Variants in LONP1 observed in about 807,000 individuals in gnomAD.
LONP1 encodes lon protease homolog, mitochondrial.
LONP1 carries 31 observed loss-of-function variants against 98.5 expected under a neutral mutation model. The observed-to-expected ratio is 0.31, with a 90% CI of 0.24 to 0.42. The LOEUF (loss-of-function observed/expected upper bound fraction) is 0.42. LONP1 is among the 20% of genes least tolerant of loss of function. The pLI is 1.00. For missense variants in LONP1, 1,336 were observed against 1,350.6 expected, an observed-to-expected ratio of 0.99 and a Z score of 0.17; for synonymous variants, 781 against 594.7, an observed-to-expected ratio of 1.31 and a Z score of -4.56.
rs1216107912 is a variant in LONP1, at chr19:5,720,102, A to G, written c.31T>C (p.Trp11Arg). 4 of 1,452,378 alleles carry G rather than the reference A, an allele frequency of 2.8e-6. No individual in the cohort carries two copies. 90.0% of individuals were successfully genotyped at this position (1,452,378 alleles called of 1,614,324 possible). A position where few individuals can be genotyped will look rare whatever the true frequency, so the allele number is the denominator to read the frequency against. The stretch of plus-strand genomic sequence containing the variant: ...AGCACCCAGCACCGCGCCGCTCCCC[A>G]CAGTCGCACGTAGCCAGTGCTCGCC... Reference protein sequence around the residue: MAASTGYVRLWGAARCWVLRR... With the variant: MAASTGYVRLRGAARCWVLRR... The change falls in exon 1 of 18, where the codon TGG becomes CGG. Residue 11 changes from tryptophan to arginine, a missense_variant. Around this residue, in one of 5 missense-constraint regions of LONP1, gnomAD observed 457 missense variants for 403.1 expected, o/e 1.13. Transcript: ENST00000360614.
rs4073993 is a variant in LONP1 at position 5,696,234 on chromosome 19, A to G, written c.1896+15T>C. ...ACCCTCCCCAGCAAGCCCAGGCCCC[A>G]GACAGGCCCCCCACCTTGGACAAGT... On this transcript the variant is annotated intron_variant, in intron 12 of 17. Coordinates refer to ENST00000360614, the MANE Select transcript of LONP1 (RefSeq NM_004793.4). 0.66 allele frequency: 1,060,288 copies of G among 1,612,500 alleles called. 356,278 individuals carry two copies. The highest frequency in any genetic ancestry group is 0.7 in the Non-Finnish European group (820,044 of 1,179,540).
intron 10 of LONP1, among the ~76,000 whole-genome samples, chr19:5,697,182 G>T (rs1461129244): frequency 6.6e-6 from 1 of 152,134 alleles, no homozygotes; most frequent in Non-Finnish European, 1.5e-5. Flanking sequence ...CAGCACAGGG[G>T]CCCGGCCCGC....
In LONP1 at chr19:5,714,211, C is replaced by T; in HGVS notation, c.490G>A (p.Val164Ile). The change falls in exon 2 of 18, where the codon GTC becomes ATC. Residue 164 changes from valine (V) to isoleucine (I), a missense_variant. By Grantham distance (29) the Val-to-Ile change is conservative (BLOSUM62 3). Coordinates refer to ENST00000360614, the MANE Select transcript of LONP1 (RefSeq NM_004793.4). ...RRKVRLAQPY[V>I]GVFLKRDDSN... is the part of the protein sequence containing the mutation. ...TCATCTCTCTTTAGAAAGACGCCGA[C>T]ATAAGGCTGGGCGAGACGAACTTTC... is the stretch of plus-strand genomic sequence containing the variant. 6.2e-7 allele frequency: 1 copy of T among 1,613,874 alleles called. No individual in the cohort carries two copies. The highest frequency in any genetic ancestry group is 8.5e-7 in the Non-Finnish European group (1 of 1,179,922).
chr19:5,700,863 G>A lies in LONP1; in HGVS notation c.1432C>T (p.Leu478=), dbSNP rs758358203. ...ACTGCCTGTGCCCGCGCCAGGTCCA[G>A]GTTCTCGTTGCTGTACTTGCCCCAA... ...IPWGKYSNEN[L]DLARAQAVLE... is the part of the protein sequence containing the mutation. Residue 478 remains leucine (L), a synonymous_variant, in exon 9 of 18, where the codon CTG becomes TTG. Coordinates refer to ENST00000360614, the MANE Select transcript of LONP1 (RefSeq NM_004793.4). The A allele has an allele frequency of 2.5e-6, 4 of 1,614,096 alleles. No individual in the cohort carries two copies. Among genetic ancestry groups the A allele is most frequent in the African/African-American group, 2.7e-5 (2 of 74,938 alleles).
intron 8 of LONP1, among the ~76,000 whole-genome samples, chr19:5,705,371 T>C (rs1039037266): frequency 3.3e-5 from 5 of 151,150 alleles, no homozygotes; most frequent in African/African-American, 9.7e-5. Flanking sequence ...AGCAGGAGAA[T>C]TGCTTGAACC....
intron 5 of LONP1, chr19:5,708,047 C>T (rs980125965): frequency 2.7e-5 from 17 of 622,816 alleles, no homozygotes; most frequent in Middle Eastern, 4.3e-4. Context: ...GCAGCCACCA[C>T]GGGAGCCGTG....
At chr19:5,706,260 CTGAG>C (rs550124987) in intron 7 of LONP1, among the ~76,000 whole-genome samples, 236 of 152,198 alleles carry the variant, frequency 1.6e-3, no homozygotes, top group African/African-American at 5.4e-3. Flanking sequence ...CCTTAGCCTC[CTGAG>C]TAACTGGGAC....
intron 17 of LONP1, among the ~76,000 whole-genome samples, chr19:5,692,465 G>C (rs936292082): frequency 2.0e-5 from 3 of 152,150 alleles, no homozygotes; most frequent in Non-Finnish European, 4.4e-5. Flanking sequence ...AAGTCTGGCC[G>C]TGCGGTGGGA....
At chr19:5,695,214 G>A (rs1267425557) in intron 13 of LONP1, among the ~76,000 whole-genome samples, 1 of 152,128 alleles carries the variant, frequency 6.6e-6, no homozygotes, top group African/African-American at 2.4e-5. Flanking sequence ...GGGCCTGTAG[G>A]GTGGCTGACT....
At chr19:5,704,343 G>A (rs1256108299) in intron 8 of LONP1, among the ~76,000 whole-genome samples, 4 of 152,204 alleles carry the variant, frequency 2.6e-5, no homozygotes, top group Non-Finnish European at 5.9e-5. Context: ...GAGCAGCCAT[G>A]GGAGCTCACA....
chr19:5,711,119 T>C (rs1193077195), intron 4 of LONP1, among the ~76,000 whole-genome samples: 1 of 151,810 alleles, frequency 6.6e-6, no homozygotes, highest in Non-Finnish European at 1.5e-5. Flanking sequence ...TGGACAGGAC[T>C]TTCCACCCCT....
chr19:5,695,865 G>A (rs1175570057), intron 13 of LONP1, among the ~76,000 whole-genome samples, 189 bp downstream of exon 13: 3 of 152,162 alleles, frequency 2.0e-5, no homozygotes, highest in South Asian at 2.1e-4. Context: ...TAAACCCTGC[G>A]CCCACTCGCG....
intron 9 of LONP1, among the ~76,000 whole-genome samples, chr19:5,700,004 T>G (rs747277652): frequency 2.6e-5 from 4 of 152,066 alleles, no homozygotes; most frequent in African/African-American, 4.8e-5. Context: ...TAGTGGTGCA[T>G]CACAGCTCAC....
rs755946666 is a variant in LONP1, at chr19:5,707,149, G to A, written c.1063-6C>T. ...TTGTACAGCCGCTTAGGAATCTGCCGAGACAGGGAGGACAGAAAGGATGAG... is the reference window on the plus strand; with the variant it reads ...TTGTACAGCCGCTTAGGAATCTGCCAAGACAGGGAGGACAGAAAGGATGAG... On this transcript the variant is annotated splice_region_variant and splice_polypyrimidine_tract_variant and intron_variant, in intron 6 of 17. Transcript: ENST00000360614. 2.5e-5 allele frequency: 40 copies of A among 1,611,874 alleles called. No individual in the cohort carries two copies. Among genetic ancestry groups the A allele is most frequent in the South Asian group, 4.4e-5 (4 of 90,990 alleles).
intron 10 of LONP1, among the ~76,000 whole-genome samples, chr19:5,697,591 G>A (rs1282375007): frequency 2.2e-5 from 3 of 133,914 alleles, no homozygotes; most frequent in Non-Finnish European, 4.7e-5. Flanking sequence ...AAGAAGAGAG[G>A]GAGAGAGAGG....
At chr19:5,698,147 C>T (rs1233332874) in intron 10 of LONP1, among the ~76,000 whole-genome samples, 1 of 151,924 alleles carries the variant, frequency 6.6e-6, no homozygotes, top group East Asian at 1.9e-4. Context: ...CTCCCAACTC[C>T]CGGCTGGTCA....
At chr19:5,704,543 C>T (rs1266628908) in intron 8 of LONP1, among the ~76,000 whole-genome samples, 1 of 152,242 alleles carries the variant, frequency 6.6e-6, no homozygotes, top group Non-Finnish European at 1.5e-5. Flanking sequence ...GCCTGCCCAG[C>T]CCTGCCCCGG....
chr19:5,700,926 C>G lies in LONP1; in HGVS notation c.1369G>C (p.Val457Leu), dbSNP rs752356080. Residue 457 changes from valine to leucine, a missense_variant and splice_region_variant, in exon 9 of 18, where the codon GTC becomes CTC. Coordinates refer to ENST00000360614, the MANE Select transcript of LONP1 (RefSeq NM_004793.4). Reference protein sequence around the residue: ...LLDNHSSEFNVTRNYLDWLTS... With the variant: ...LLDNHSSEFNLTRNYLDWLTS... ...AGCCAGTCTAGGTAGTTGCGGGTGA[C>G]ACTGCCAGGGGACAGATGGAGAGAT... The G allele has an allele frequency of 6.2e-7, 1 of 1,614,126 alleles. No individual in the cohort carries two copies. Among genetic ancestry groups the G allele is most frequent in the African/African-American group, 1.3e-5 (1 of 75,064 alleles).
chr19:5,691,884 A>T lies in LONP1; in HGVS notation c.*148T>A. 1 of 907,056 alleles carries T rather than the reference A, an allele frequency of 1.1e-6. No homozygotes were observed. Among genetic ancestry groups the T allele is most frequent in the Non-Finnish European group, 1.6e-6 (1 of 609,920 alleles). 56.2% of individuals were successfully genotyped at this position (907,056 alleles called of 1,614,324 possible). On this transcript the variant is annotated 3_prime_UTR_variant, in exon 18 of 18. Coordinates refer to ENST00000360614, the MANE Select transcript of LONP1 (RefSeq NM_004793.4). Reference sequence around the variant, plus strand: ...ATAGCTTCTATGCCACACTCTGATTAAGCCGACTGAGGTCCCTGGGATCTG... The same window carrying T: ...ATAGCTTCTATGCCACACTCTGATTTAGCCGACTGAGGTCCCTGGGATCTG...
Sources: allele counts gnomAD v4.1 joint callset (sites outside exome capture counted in the v4.1 genomes callset), GRCh38; gene constraint gnomAD v4.1.1; regional missense constraint gnomAD v4.1.1; transcripts MANE v1.5; gene names NCBI Gene and HGNC (gene_info 2026-07-23, HGNC 2026-07-21).